NUP54: variants seen among roughly 807,000 people sequenced by gnomAD.
NUP54 encodes nucleoporin p54.
Under a neutral mutation model 66.4 loss-of-function variants are expected in NUP54, and 27 were observed. The ratio of observed to expected loss-of-function variants is 0.41; its 90% CI spans 0.30 to 0.56. NUP54 has a LOEUF of 0.56. Among genes scored for constraint, NUP54 ranks in the 20% least tolerant of loss-of-function variants. The pLI is 0.34. For synonymous variants in NUP54, 206 were observed against 210.7 expected, an observed-to-expected ratio of 0.98 and a Z score of 0.19; for missense variants, 486 against 596.3, an observed-to-expected ratio of 0.82 and a Z score of 1.93.
At chr4:76,147,680 G>A (rs1019388424) in intron 1 of NUP54, 23 of 1,260,878 alleles carry the variant, frequency 1.8e-5, no homozygotes, top group Admixed American at 2.6e-5. Flanking sequence ...TTTTAAAAAG[G>A]GGGAGAGGGA....
At chr4:76,143,692 G>A (rs1024113074) in intron 3 of NUP54, among the ~76,000 whole-genome samples, 2 of 152,166 alleles carry the variant, frequency 1.3e-5, no homozygotes, top group Non-Finnish European at 2.9e-5. Context: ...TTACATACTT[G>A]AATGACAAAA....
intron 3 of NUP54, among the ~76,000 whole-genome samples, chr4:76,140,151 C>A (rs537155206): frequency 6.6e-6 from 1 of 151,646 alleles, no homozygotes; most frequent in East Asian, 1.9e-4. Context: ...ACAGCACATG[C>A]GCCCTGAAAA....
At chr4:76,121,707 GTTTATCTA>G (rs1444671626) in intron 9 of NUP54, among the ~76,000 whole-genome samples, 1 of 152,124 alleles carries the variant, frequency 6.6e-6, no homozygotes, top group East Asian at 1.9e-4. Context: ...TAAGAATATA[GTTTATCTA>G]TTTGTAAATA....
chr4:76,125,655 GGAGAGAGGGGGAGAGAGGGAGAGA>G (rs1560678842), intron 8 of NUP54, among the ~76,000 whole-genome samples: 3 of 18,146 alleles, frequency 1.7e-4, no homozygotes, highest in African/African-American at 8.8e-4. Context: ...AGGGGGAGAG[GGAGAGAGGGGGAGAGAGGGAGAGA>G]GGGAGAGGGA....
At chr4:76,147,575 T>C (rs1439108636) in intron 1 of NUP54, 2 of 1,289,736 alleles carry the variant, frequency 1.6e-6, no homozygotes, top group African/African-American at 3.0e-5. Context: ...GGATTAGCAG[T>C]TAATCCGAAA....
At position 76,115,415 on chromosome 4, in the gene NUP54, T is replaced by G; in HGVS notation, c.1475A>C (p.Glu492Ala). Residue 492 changes from glutamate (E) to alanine (A), a missense_variant, in exon 12 of 12, where the codon GAA (glutamate) becomes GCA (alanine). Glu to Ala is a moderately radical substitution (Grantham distance 107, BLOSUM62 -1). Around this residue, in one of 4 missense-constraint regions of NUP54, gnomAD observed 83 missense variants for 128.6 expected, o/e 0.65. Transcript: ENST00000264883. ...KDDLEDIKLV[E>A]HGLNETIHIR... ...GTGGATGGTTTCATTCAATCCATGT[T>G]CGACCAGCTTTATATCTTCTAGATC... The G allele has an allele frequency of 6.2e-7, 1 of 1,611,530 alleles. No individual in the cohort carries two copies.
intron 3 of NUP54, among the ~76,000 whole-genome samples, chr4:76,137,877 TAGC>T (rs147654069): frequency 0.012 from 1,868 of 152,280 alleles, 40 homozygotes; most frequent in African/African-American, 0.042. Flanking sequence ...TTTCCACTTA[TAGC>T]AGCAATAAAT....
chr4:76,124,205 GAT>G (rs1185446733), intron 9 of NUP54, among the ~76,000 whole-genome samples: 48 of 152,078 alleles, frequency 3.2e-4, no homozygotes, highest in African/African-American at 1.2e-3. Context: ...CTGTTTTCAT[GAT>G]AGTTTATAAT....
At chr4:76,141,758 A>AG (rs74645771) in intron 3 of NUP54, among the ~76,000 whole-genome samples, 20,005 of 152,120 alleles carry the variant, frequency 0.13, 1,543 homozygotes, top group East Asian at 0.35. Context: ...TTTCCTGTCT[A>AG]CTTAATCCTA....
chr4:76,143,746 T>C (rs1397492368), intron 3 of NUP54, among the ~76,000 whole-genome samples: 8 of 152,134 alleles, frequency 5.3e-5, no homozygotes, highest in Non-Finnish European at 1.2e-4. Context: ...AGACTGCAGG[T>C]CCTCTGATGG....
intron 1 of NUP54, among the ~76,000 whole-genome samples, chr4:76,146,997 A>G (rs946391151): frequency 6.6e-6 from 1 of 152,208 alleles, no homozygotes; most frequent in Admixed American, 6.5e-5. Context: ...GACCAAAGAA[A>G]TACATTATTA....
At chr4:76,145,087 G>A (rs551584506) in intron 1 of NUP54, among the ~76,000 whole-genome samples, 5 of 152,092 alleles carry the variant, frequency 3.3e-5, no homozygotes, top group East Asian at 3.9e-4. Flanking sequence ...GGGAGGCCGA[G>A]GGGGGTGGAT....
intron 9 of NUP54, among the ~76,000 whole-genome samples, chr4:76,122,326 T>A (rs563871012): frequency 6.6e-6 from 1 of 152,284 alleles, no homozygotes; most frequent in Admixed American, 6.5e-5. Context: ...GGTGTTCAGT[T>A]CTATGAATCT....
rs1578702643 is a variant in NUP54 at position 76,148,354 on chromosome 4, A to G, written c.21T>C (p.Ala7=). 1.3e-6 allele frequency: 2 copies of G among 1,547,066 alleles called. No homozygotes were observed. Among genetic ancestry groups the G allele is most frequent in the Non-Finnish European group, 1.7e-6 (2 of 1,147,250 alleles). Residue 7 remains alanine, a synonymous_variant, in exon 1 of 12, where the codon GCT becomes GCC. Transcript: ENST00000264883. MAFNFG[A]PSGTSGTAAA... ...CAGCGGTACCGGAGGTGCCCGAGGG[A>G]GCCCCAAAATTGAAGGCCATGTCGC... is the stretch of plus-strand genomic sequence containing the variant.
At chr4:76,144,317 G>T in intron 2 of NUP54, 25 bp from the exon 3 acceptor site, 2 of 1,550,138 alleles carry the variant, frequency 1.3e-6, no homozygotes, top group Admixed American at 2.1e-5. Context: ...TTGGAACTTC[G>T]TAAGTTAAAA....
At position 76,132,438 on chromosome 4, in the gene NUP54, T is replaced by G; in HGVS notation, c.907+85A>C. The G allele has an allele frequency of 4.9e-6, 5 of 1,013,078 alleles. No individual in the cohort carries two copies. In the South Asian group the frequency reaches 1.2e-4, roughly 24 times the overall value. The allele number at this position is 1,013,078 out of a possible 1,614,324, so 62.8% of individuals were successfully genotyped here. On this transcript the variant is annotated intron_variant, in intron 6 of 11. Coordinates refer to ENST00000264883, the MANE Select transcript of NUP54 (RefSeq NM_017426.4). The stretch of plus-strand genomic sequence containing the variant: ...ATGATACTAATTTTATTAGCATTAA[T>G]AACCAACCAACACCTCTGAAATACG...
chr4:76,145,046 C>G (rs914107639), intron 1 of NUP54, among the ~76,000 whole-genome samples: 1 of 152,026 alleles, frequency 6.6e-6, no homozygotes, highest in African/African-American at 2.4e-5. Flanking sequence ...TGGCTGGGCG[C>G]GGTGGCTCAT....
chr4:76,120,427 T>C lies in NUP54; in HGVS notation c.1165-2233A>G, dbSNP rs868636021. Among the ~76,000 whole-genome samples, 295 of 140,924 alleles carry C rather than the reference T, an allele frequency of 2.1e-3. 3 individuals carry two copies. Among genetic ancestry groups the C allele is most frequent in the African/African-American group, 8.4e-3 (287 of 34,000 alleles). The allele number at this position is 140,924 out of a possible 152,430, so 92.5% of individuals were successfully genotyped here. The stretch of plus-strand genomic sequence containing the variant: ...CATGAGTGTAAAGGGATCTCTTTTT[T>C]TTTTTTTTTTTTTTTTTCCCCAGAT... On this transcript the variant is annotated intron_variant, in intron 9 of 11. Coordinates refer to ENST00000264883, the MANE Select transcript of NUP54 (RefSeq NM_017426.4).
At chr4:76,123,750 G>A (rs1730338861) in intron 9 of NUP54, among the ~76,000 whole-genome samples, 1 of 152,066 alleles carries the variant, frequency 6.6e-6, no homozygotes, top group African/African-American at 2.4e-5. Context: ...CTGAGCTCAG[G>A]CAATCCACTC....
Sources: gnomAD v4.1 joint callset for allele counts (sites outside exome capture counted in the v4.1 genomes callset) on GRCh38, gnomAD v4.1.1 for gene constraint, gnomAD v4.1.1 regional missense constraint, MANE v1.5 for transcripts, NCBI Gene and HGNC (gene_info 2026-07-23, HGNC 2026-07-21) for gene names.